Variants in ATP10B observed in about 807,000 individuals in gnomAD.
ATP10B encodes phospholipid-transporting ATPase VB.
Under a neutral mutation model 141.2 loss-of-function variants are expected in ATP10B, and 122 were observed. The ratio of observed to expected loss-of-function variants is 0.86; its 90% CI spans 0.75 to 1.00. The LOEUF is 1.00. Among genes scored for constraint, ATP10B ranks in the 50% least tolerant of loss-of-function variants. The pLI, the probability that ATP10B is intolerant of heterozygous loss-of-function variation, is 0.00. For missense variants in ATP10B, 1,876 were observed against 1,825.3 expected (o/e 1.03, Z -0.51); for synonymous variants, 685 against 692.0 (o/e 0.99, Z 0.16).
intron 8 of ATP10B, among the ~76,000 whole-genome samples, chr5:160,648,240 C>A (rs367601836): frequency 6.6e-6 from 1 of 152,218 alleles, no homozygotes; most frequent in East Asian, 1.9e-4. Context: ...GCTTGTCCAA[C>A]CCATGGCCCA....
chr5:160,892,094 CTTTTA>C, the ATP10B span, among the ~76,000 whole-genome samples: 2 of 151,990 alleles, frequency 1.3e-5, no homozygotes, highest in Non-Finnish European at 2.9e-5. Flanking sequence ...TGATTTTTTT[CTTTTA>C]TATGTTCTTT....
chr5:160,827,216 CTT>C (rs758216214), intron 1 of ATP10B, among the ~76,000 whole-genome samples: 2 of 152,206 alleles, frequency 1.3e-5, no homozygotes, highest in South Asian at 4.1e-4. Context: ...TCTTTGTACT[CTT>C]TATTTCTCAG....
At chr5:160,652,915 ATATATAATATAT>A (rs1313882002) in intron 7 of ATP10B, among the ~76,000 whole-genome samples, 9 of 68,070 alleles carry the variant, frequency 1.3e-4, no homozygotes, top group Non-Finnish European at 2.1e-4. Context: ...ATATACATGT[ATATATAATATAT>A]TATATATACA....
At chr5:160,812,827 C>A (rs193283212) in intron 1 of ATP10B, among the ~76,000 whole-genome samples, 7 of 152,058 alleles carry the variant, frequency 4.6e-5, no homozygotes, top group Admixed American at 6.5e-5. Flanking sequence ...GGAAGAGATA[C>A]GTGTAGATAG....
chr5:160,887,205 C>T, the ATP10B span, among the ~76,000 whole-genome samples: 3 of 152,174 alleles, frequency 2.0e-5, no homozygotes, highest in Non-Finnish European at 4.4e-5. Context: ...TCCAGAGATG[C>T]TCAAGTCCTT....
At chr5:160,919,497 C>T in the ATP10B span, among the ~76,000 whole-genome samples, 12 of 152,226 alleles carry the variant, frequency 7.9e-5, no homozygotes, top group South Asian at 2.1e-4. Flanking sequence ...CGCTAGCAGC[C>T]AACCTTTGTA....
chr5:160,904,811 C>G, the ATP10B span, among the ~76,000 whole-genome samples: 1 of 152,136 alleles, frequency 6.6e-6, no homozygotes, highest in Non-Finnish European at 1.5e-5. Flanking sequence ...CTTATGCTTC[C>G]CATAGATGCC....
chr5:160,864,104 C>G, the ATP10B span, among the ~76,000 whole-genome samples: 996 of 151,988 alleles, frequency 6.6e-3, 12 homozygotes, highest in African/African-American at 0.02. Flanking sequence ...CAGTATCACC[C>G]TAATGCCAAA....
At chr5:160,921,050 C>T in the ATP10B span, among the ~76,000 whole-genome samples, 4 of 152,064 alleles carry the variant, frequency 2.6e-5, no homozygotes, top group East Asian at 1.9e-4. Context: ...ACACGACACC[C>T]GCTCCCCACC....
intron 22 of ATP10B, among the ~76,000 whole-genome samples, chr5:160,595,849 T>C (rs928445326): frequency 3.3e-5 from 5 of 151,268 alleles, no homozygotes; most frequent in Non-Finnish European, 7.4e-5. Context: ...CAGGAAGAAG[T>C]TGAATCTCTG....
Position 160,663,410 on chromosome 5 carries a change from C to T in ATP10B, c.675+7053G>A, listed in dbSNP as rs560750467. Among the ~76,000 whole-genome samples the T allele has an allele frequency of 4.1e-3, 619 of 152,172 alleles. 1 individual carries two copies. Among genetic ancestry groups the T allele is most frequent in the Non-Finnish European group, 7.3e-3 (493 of 67,996 alleles). On this transcript the variant is annotated intron_variant, in intron 7 of 25. Coordinates refer to ENST00000327245, the MANE Select transcript of ATP10B (RefSeq NM_025153.3). ...AACCCAAATGCCCAACAATGATAGA[C>T]TGGATTAAGAAAATGTGGCACATAT... is the stretch of plus-strand genomic sequence containing the variant.
chr5:160,741,538 T>C (rs1767480778), intron 2 of ATP10B, among the ~76,000 whole-genome samples: 1 of 152,218 alleles, frequency 6.6e-6, no homozygotes, highest in Non-Finnish European at 1.5e-5. Flanking sequence ...AAACAGCCTG[T>C]CAACTACCAT....
intron 5 of ATP10B, among the ~76,000 whole-genome samples, chr5:160,687,511 C>T (rs1275088828): frequency 1.3e-5 from 2 of 152,172 alleles, no homozygotes; most frequent in African/African-American, 4.8e-5. Flanking sequence ...CTCCTGTAAT[C>T]CCATCTCTTT....
At chr5:160,649,356 G>A in intron 7 of ATP10B, 100 bp from the exon 8 acceptor site, 1 of 812,840 alleles carries the variant, frequency 1.2e-6, no homozygotes, top group Non-Finnish European at 2.0e-6. Context: ...TTGCAAATAA[G>A]GTAATCCATG....
chr5:160,816,108 G>A (rs946928396), intron 1 of ATP10B, among the ~76,000 whole-genome samples: 2 of 150,914 alleles, frequency 1.3e-5, no homozygotes, highest in Admixed American at 6.6e-5. Context: ...AAGAACTAGA[G>A]AAGCAAGAGC....
At chr5:160,802,485 A>G (rs1772440802) in intron 1 of ATP10B, among the ~76,000 whole-genome samples, 1 of 152,198 alleles carries the variant, frequency 6.6e-6, no homozygotes, top group African/African-American at 2.4e-5. Context: ...TATCTAGATG[A>G]GACAATGCCT....
At position 160,753,637 on chromosome 5, in the gene ATP10B, T is replaced by A. The variant is rs535853881; in HGVS notation, c.-331+31922A>T. 3.3e-5 allele frequency among the ~76,000 whole-genome samples: 5 copies of A among 152,288 alleles called. No homozygotes were observed. In the South Asian group the frequency reaches 1.0e-3, roughly 32 times the overall value. ...ACAAGAGAGGGTTTTAAATGAACAATGCCTTCTATTTTCCCAACAGCTATT... is the reference window on the plus strand; with the variant it reads ...ACAAGAGAGGGTTTTAAATGAACAAAGCCTTCTATTTTCCCAACAGCTATT... On this transcript the variant is annotated intron_variant, in intron 2 of 25. Coordinates refer to ENST00000327245, the MANE Select transcript of ATP10B (RefSeq NM_025153.3).
chr5:160,680,977 A>G (rs1763361427), intron 6 of ATP10B, among the ~76,000 whole-genome samples: 1 of 152,206 alleles, frequency 6.6e-6, no homozygotes, highest in South Asian at 2.1e-4. Context: ...TTGCCATGAG[A>G]GAAGTCTCCC....
In ATP10B at chr5:160,607,037, A is replaced by G; in HGVS notation, c.2888T>C (p.Phe963Ser). The change falls in exon 19 of 26, where the codon TTT becomes TCT. Residue 963 changes from phenylalanine to serine, a missense_variant. Transcript: ENST00000327245. ...LNCALEELKQ[F>S]RELQKPDRKL... ...GCGGTCTGGCTTCTGTAGTTCACGA[A>G]ATTGCTTTAGCTCTTCCAATGCACA... 1 of 1,614,088 alleles carries G rather than the reference A, an allele frequency of 6.2e-7. No individual in the cohort carries two copies. The highest frequency in any genetic ancestry group is 8.5e-7 in the Non-Finnish European group (1 of 1,179,982).
Sources: gnomAD v4.1 joint callset for allele counts (sites outside exome capture counted in the v4.1 genomes callset) on GRCh38, gnomAD v4.1.1 for gene constraint, MANE v1.5 for transcripts, NCBI Gene and HGNC (gene_info 2026-07-23, HGNC 2026-07-21) for gene names.